NSMCE2: variants seen among roughly 807,000 people sequenced by gnomAD.
NSMCE2 encodes the protein E3 SUMO-protein ligase NSE2.
NSMCE2 carries 24 observed loss-of-function variants against 23.8 expected under a neutral mutation model. That is an observed-to-expected ratio of 1.01 (90% CI 0.73 to 1.42). NSMCE2 has a LOEUF of 1.42. NSMCE2 is among the 40% of genes most tolerant of loss of function. NSMCE2 has a pLI of 0.00. For missense variants in NSMCE2, 284 were observed against 296.5 expected, an observed-to-expected ratio of 0.96 and a Z score of 0.31; for synonymous variants, 92 against 94.1, an observed-to-expected ratio of 0.98 and a Z score of 0.13.
intron 4 of NSMCE2, among the ~76,000 whole-genome samples, chr8:125,158,151 A>G (rs1821421139): frequency 6.6e-6 from 1 of 152,226 alleles, no homozygotes; most frequent in African/African-American, 2.4e-5. Flanking sequence ...AGATAGGTCC[A>G]GCACTTTGTG....
At chr8:125,282,412 C>A (rs1395826568) in intron 5 of NSMCE2, among the ~76,000 whole-genome samples, 1 of 152,208 alleles carries the variant, frequency 6.6e-6, no homozygotes, top group Non-Finnish European at 1.5e-5. Flanking sequence ...CTGCACCCGG[C>A]AAGATCCCTT....
intron 5 of NSMCE2, among the ~76,000 whole-genome samples, chr8:125,255,516 T>G (rs2131027074): frequency 6.6e-6 from 1 of 151,804 alleles, no homozygotes; most frequent in East Asian, 1.9e-4. Context: ...GAATAAAGGG[T>G]GGCGTGTTCT....
At position 125,204,009 on chromosome 8, in the gene NSMCE2, A is replaced by G. The variant is rs112493361; in HGVS notation, c.418+21753A>G. Among the ~76,000 whole-genome samples the G allele has an allele frequency of 1.4e-3, 208 of 152,298 alleles. 1 individual carries two copies. The highest frequency in any genetic ancestry group is 4.6e-3 in the African/African-American group (190 of 41,550). Reference sequence around the variant, plus strand: ...ATTTGGCTAGAATGTCATTGCGGTGAGACAGATGCTTGTCTGTCTTAATCT... The same window carrying G: ...ATTTGGCTAGAATGTCATTGCGGTGGGACAGATGCTTGTCTGTCTTAATCT... On this transcript the variant is annotated intron_variant, in intron 5 of 7. Coordinates refer to ENST00000287437, the MANE Select transcript of NSMCE2 (RefSeq NM_173685.4).
chr8:125,240,980 G>A (rs1019686139), intron 5 of NSMCE2, among the ~76,000 whole-genome samples: 1 of 152,110 alleles, frequency 6.6e-6, no homozygotes, highest in African/African-American at 2.4e-5. Flanking sequence ...GTCACTGGTG[G>A]TACAGGTTGA....
intron 5 of NSMCE2, chr8:125,348,140 T>A (rs1812857402): frequency 6.6e-6 from 1 of 152,198 alleles, no homozygotes; most frequent in South Asian, 2.1e-4. Context: ...TTTTCACCAA[T>A]ACCATGCATG....
At chr8:125,101,544 A>G (rs1818189507) in intron 1 of NSMCE2, among the ~76,000 whole-genome samples, 1 of 152,124 alleles carries the variant, frequency 6.6e-6, no homozygotes, top group Non-Finnish European at 1.5e-5. Context: ...CATCCCTTTA[A>G]AACTGTGAAT....
At chr8:125,295,530 G>A (rs1021940376) in intron 5 of NSMCE2, among the ~76,000 whole-genome samples, 3 of 152,272 alleles carry the variant, frequency 2.0e-5, no homozygotes, top group East Asian at 3.9e-4. Context: ...CACACAGGTC[G>A]GAATTCTCTT....
intron 3 of NSMCE2, among the ~76,000 whole-genome samples, chr8:125,122,236 A>C (rs780030137): frequency 5.3e-5 from 8 of 152,046 alleles, no homozygotes; most frequent in Non-Finnish European, 8.8e-5. Context: ...AGAAATACAA[A>C]GATATGAAGA....
intron 5 of NSMCE2, among the ~76,000 whole-genome samples, chr8:125,213,153 T>G (rs1824416083): frequency 6.6e-6 from 1 of 152,212 alleles, no homozygotes; most frequent in Non-Finnish European, 1.5e-5. Context: ...AAAGAAATGT[T>G]GAACATTTGT....
chr8:125,316,716 T>C (rs1403641654), intron 5 of NSMCE2, among the ~76,000 whole-genome samples: 14 of 83,480 alleles, frequency 1.7e-4, no homozygotes, highest in Non-Finnish European at 3.6e-4. Flanking sequence ...CCTTCTTTCC[T>C]TCTTTCTTTC....
intron 5 of NSMCE2, among the ~76,000 whole-genome samples, chr8:125,356,326 G>GTTTTTTTTTTTTTTTTTT (rs747884264): frequency 7.6e-5 from 8 of 105,436 alleles, no homozygotes; most frequent in Non-Finnish European, 1.3e-4. Flanking sequence ...TAATTTTTTG[G>GTTTTTTTTTTTTTTTTTT]TTTTTTTTTT....
intron 5 of NSMCE2, among the ~76,000 whole-genome samples, chr8:125,203,553 A>G (rs190917055): frequency 3.9e-5 from 6 of 152,328 alleles, no homozygotes; most frequent in African/African-American, 1.2e-4. Flanking sequence ...GAACAGTTTT[A>G]AGTTCATAGC....
intron 5 of NSMCE2, among the ~76,000 whole-genome samples, chr8:125,197,677 C>G (rs945143477): frequency 6.6e-5 from 10 of 152,104 alleles, no homozygotes; most frequent in African/African-American, 9.7e-5. Flanking sequence ...AATGTGGGCT[C>G]TTTTTTGGTT....
At chr8:125,210,648 C>A (rs1403074013) in intron 5 of NSMCE2, among the ~76,000 whole-genome samples, 1 of 152,120 alleles carries the variant, frequency 6.6e-6, no homozygotes, top group African/African-American at 2.4e-5. Context: ...TTTTTTCTCA[C>A]CGATCTGGCC....
chr8:125,330,203 G>GTC (rs1193562836), intron 5 of NSMCE2, among the ~76,000 whole-genome samples: 2 of 123,496 alleles, frequency 1.6e-5, no homozygotes, highest in Non-Finnish European at 1.6e-5. Flanking sequence ...TTTTGAGACA[G>GTC]TCTCTCTCTG....
chr8:125,284,901 A>C (rs1168305442), intron 5 of NSMCE2, among the ~76,000 whole-genome samples: 1 of 152,350 alleles, frequency 6.6e-6, no homozygotes, highest in East Asian at 1.9e-4. Flanking sequence ...CTAATGTGCT[A>C]ATTGCCTCAG....
At chr8:125,336,306 G>T (rs2131312490) in intron 5 of NSMCE2, among the ~76,000 whole-genome samples, 1 of 152,282 alleles carries the variant, frequency 6.6e-6, no homozygotes, top group Middle Eastern at 3.4e-3. Flanking sequence ...TAAATACTCA[G>T]TCCTTACAGT....
chr8:125,264,782 C>T (rs1826845608), intron 5 of NSMCE2, among the ~76,000 whole-genome samples: 1 of 152,148 alleles, frequency 6.6e-6, no homozygotes, highest in African/African-American at 2.4e-5. Flanking sequence ...CTTATACCAT[C>T]TTGCAGCCTC....
chr8:125,187,509 G>C (rs908943101), intron 5 of NSMCE2, among the ~76,000 whole-genome samples: 1 of 152,122 alleles, frequency 6.6e-6, no homozygotes, highest in Non-Finnish European at 1.5e-5. Context: ...CAATATTACA[G>C]CTCATGGTTT....
Sources: allele counts gnomAD v4.1 joint callset (sites outside exome capture counted in the v4.1 genomes callset), GRCh38; gene constraint gnomAD v4.1.1; transcripts MANE v1.5; gene names NCBI Gene and HGNC (gene_info 2026-07-23, HGNC 2026-07-21).